Variants in PDE4B observed in about 807,000 individuals in gnomAD.
PDE4B encodes 3',5'-cyclic-AMP phosphodiesterase 4B.
In PDE4B, 20 loss-of-function variants were observed where a neutral mutation model predicts 82.2. The observed-to-expected ratio is 0.24, with a 90% CI of 0.17 to 0.35. The LOEUF is 0.35. Among genes scored for constraint, PDE4B ranks in the 10% least tolerant of loss-of-function variants. The pLI is 1.00. For synonymous variants in PDE4B, 320 were observed against 318.9 expected, an observed-to-expected ratio of 1.00 and a Z score of -0.04; for missense variants, 655 against 907.2, an observed-to-expected ratio of 0.72 and a Z score of 3.57.
intron 7 of PDE4B, among the ~76,000 whole-genome samples, chr1:66,305,396 G>A (rs75334909): frequency 3.3e-5 from 5 of 151,744 alleles, no homozygotes; most frequent in Non-Finnish European, 7.4e-5. Flanking sequence ...ATAAAATATG[G>A]GATGCCTAGT....
At chr1:66,219,636 T>C (rs1057296587) in intron 3 of PDE4B, among the ~76,000 whole-genome samples, 4 of 152,150 alleles carry the variant, frequency 2.6e-5, no homozygotes, top group Non-Finnish European at 5.9e-5. Flanking sequence ...GGTTGGGCAA[T>C]GACATGTGAA....
intron 3 of PDE4B, among the ~76,000 whole-genome samples, chr1:65,984,047 C>T (rs569060888): frequency 1.3e-5 from 2 of 152,146 alleles, no homozygotes; most frequent in South Asian, 4.1e-4. Flanking sequence ...TACAGAAGCT[C>T]TATTTATAAT....
chr1:66,361,546 T>C, intron 9 of PDE4B, 69 bp from the exon 10 acceptor site: 1 of 1,216,322 alleles, frequency 8.2e-7, no homozygotes, highest in South Asian at 1.4e-5. Flanking sequence ...TGGTTAGAGT[T>C]GTTTTGAATA....
intron 1 of PDE4B, among the ~76,000 whole-genome samples, chr1:65,868,770 C>T (rs745885448): frequency 6.6e-6 from 1 of 152,202 alleles, no homozygotes; most frequent in Non-Finnish European, 1.5e-5. Flanking sequence ...AACTCTGCCT[C>T]CTGTCAGATC....
chr1:66,170,652 T>G (rs1026823913), intron 3 of PDE4B, among the ~76,000 whole-genome samples: 19 of 152,326 alleles, frequency 1.2e-4, no homozygotes, highest in African/African-American at 3.6e-4. Flanking sequence ...TTGATGAGTA[T>G]GTCTTTTATC....
chr1:66,321,725 A>G (rs964866714), intron 7 of PDE4B, among the ~76,000 whole-genome samples: 12 of 152,208 alleles, frequency 7.9e-5, no homozygotes, highest in Admixed American at 3.3e-4. Flanking sequence ...AAGAATCAAT[A>G]TCGTGAACAT....
At chr1:66,152,333 T>C (rs747985963) in intron 3 of PDE4B, 29 of 171,908 alleles carry the variant, frequency 1.7e-4, no homozygotes, top group Non-Finnish European at 3.0e-4. Flanking sequence ...CTCAGGAGCA[T>C]TGTAGGATCC....
chr1:66,162,569 A>G (rs1404656097), intron 3 of PDE4B, among the ~76,000 whole-genome samples: 2 of 151,986 alleles, frequency 1.3e-5, no homozygotes, highest in East Asian at 3.9e-4. Context: ...CTTATCTGAA[A>G]TGCTTGGGAC....
At chr1:66,372,245 AC>A in intron 16 of PDE4B, 67 bp from the exon 17 acceptor site, 1 of 1,473,450 alleles carries the variant, frequency 6.8e-7, no homozygotes. Context: ...TTGCATGGAA[AC>A]CAGGAAACCT....
At chr1:66,306,721 G>A (rs1658304640) in intron 7 of PDE4B, among the ~76,000 whole-genome samples, 1 of 152,100 alleles carries the variant, frequency 6.6e-6, no homozygotes, top group African/African-American at 2.4e-5. Context: ...TCATGTAGAA[G>A]AAAATCCAGT....
chr1:66,167,707 C>T (rs1385856698), intron 3 of PDE4B, among the ~76,000 whole-genome samples: 1 of 152,148 alleles, frequency 6.6e-6, no homozygotes, highest in Non-Finnish European at 1.5e-5. Context: ...TAGGTTACTT[C>T]CTTTCCATTT....
chr1:65,795,248 T>G (rs1645619015), intron 1 of PDE4B, among the ~76,000 whole-genome samples: 1 of 152,266 alleles, frequency 6.6e-6, no homozygotes, highest in African/African-American at 2.4e-5. Flanking sequence ...ACTCCTAATA[T>G]CTTACTTGAC....
At chr1:65,857,806 AC>A (rs1646410450) in intron 1 of PDE4B, among the ~76,000 whole-genome samples, 1 of 152,162 alleles carries the variant, frequency 6.6e-6, no homozygotes, top group Non-Finnish European at 1.5e-5. Flanking sequence ...TATCTTAATG[AC>A]TAGTTACTTG....
intron 8 of PDE4B, chr1:66,354,699 T>A (rs1055634490): frequency 4.2e-6 from 6 of 1,433,064 alleles, no homozygotes; most frequent in Admixed American, 5.5e-5. Context: ...GGAAATGCCA[T>A]ACATTTTGGA....
chr1:66,084,941 G>C (rs746914732), intron 3 of PDE4B, among the ~76,000 whole-genome samples: 2 of 152,176 alleles, frequency 1.3e-5, no homozygotes, highest in Non-Finnish European at 2.9e-5. Flanking sequence ...CACATGCATA[G>C]AGTTAGGGCA....
At chr1:66,182,894 C>T (rs1359263502) in intron 3 of PDE4B, among the ~76,000 whole-genome samples, 1 of 152,194 alleles carries the variant, frequency 6.6e-6, no homozygotes, top group East Asian at 1.9e-4. Context: ...AAAAAAATAT[C>T]ATCAGCTATC....
intron 7 of PDE4B, among the ~76,000 whole-genome samples, chr1:66,309,549 G>C (rs1658523723): frequency 6.6e-6 from 1 of 152,160 alleles, no homozygotes; most frequent in Admixed American, 6.6e-5. Context: ...ATGTGAAGGG[G>C]GAATACCCAG....
chr1:66,024,334 T>A (rs569219024), intron 3 of PDE4B, among the ~76,000 whole-genome samples: 1 of 152,112 alleles, frequency 6.6e-6, no homozygotes, highest in Non-Finnish European at 1.5e-5. Context: ...TCAGAGATCA[T>A]CTCATTTACC....
At chr1:65,795,553 C>T (rs1645622134) in intron 1 of PDE4B, among the ~76,000 whole-genome samples, 1 of 152,224 alleles carries the variant, frequency 6.6e-6, no homozygotes, top group African/African-American at 2.4e-5. Flanking sequence ...AACAGATGGC[C>T]TTCAATAGTC....
Sources: gnomAD v4.1 joint callset for allele counts (sites outside exome capture counted in the v4.1 genomes callset) on GRCh38, gnomAD v4.1.1 for gene constraint, MANE v1.5 for transcripts, NCBI Gene and HGNC (gene_info 2026-07-23, HGNC 2026-07-21) for gene names.